Variants in ST8SIA5 observed in about 807,000 individuals in gnomAD.
The protein encoded by ST8SIA5 is alpha-2,8-sialyltransferase 8E.
ST8SIA5 carries 24 observed loss-of-function variants against 40.2 expected under a neutral mutation model. The ratio of observed to expected loss-of-function variants is 0.60; its 90% CI spans 0.43 to 0.84. The LOEUF (loss-of-function observed/expected upper bound fraction) is 0.84. ST8SIA5 is among the 40% of genes least tolerant of loss of function. The pLI is 0.00. For missense variants in ST8SIA5, 465 were observed against 498.5 expected, an observed-to-expected ratio of 0.93 and a Z score of 0.64; for synonymous variants, 198 against 201.8, an observed-to-expected ratio of 0.98 and a Z score of 0.16.
intron 2 of ST8SIA5, among the ~76,000 whole-genome samples, chr18:46,703,548 G>C (rs2039639263): frequency 6.6e-6 from 1 of 152,108 alleles, no homozygotes; most frequent in Non-Finnish European, 1.5e-5. Context: ...GTCAGCTTTA[G>C]ATCTCAGGTC....
chr18:46,670,303 T>C lies in ST8SIA5; in HGVS notation c.*9739A>G, dbSNP rs2039301335. On this transcript the variant is annotated 3_prime_UTR_variant, in exon 7 of 7. Coordinates refer to ENST00000315087, the MANE Select transcript of ST8SIA5 (RefSeq NM_013305.6). ...GTTGGAACGCTTTTTTACCTCTGCATGTCCTGGATGTCACAGGGTGAACTG... is the reference window on the plus strand; with the variant it reads ...GTTGGAACGCTTTTTTACCTCTGCACGTCCTGGATGTCACAGGGTGAACTG... 6.6e-6 allele frequency: 1 copy of C among 152,232 alleles called. No individual in the cohort carries two copies. Among genetic ancestry groups the C allele is most frequent in the Non-Finnish European group, 1.5e-5 (1 of 68,056 alleles). The allele number at this position is 152,232 out of a possible 1,614,324, so 9.4% of individuals were successfully genotyped here.
At chr18:46,685,483 T>C (rs993937143) in intron 5 of ST8SIA5, among the ~76,000 whole-genome samples, 1 of 152,168 alleles carries the variant, frequency 6.6e-6, no homozygotes, top group African/African-American at 2.4e-5. Flanking sequence ...AGACAGGGGC[T>C]GGGGTTGGAC....
At chr18:46,714,045 G>A (rs559414811) in intron 1 of ST8SIA5, among the ~76,000 whole-genome samples, 1 of 152,330 alleles carries the variant, frequency 6.6e-6, no homozygotes, top group East Asian at 1.9e-4. Context: ...GCAAGCCTAA[G>A]AGCCCCAGCT....
rs1599093040 is a variant in ST8SIA5 at position 46,678,027 on chromosome 18, A to T, written c.*2015T>A. ...GTTCAATTAACCATGCAGTGGCTAG[A>T]AATCTCAGGTAACTGGAATCTTTCC... On this transcript the variant is annotated 3_prime_UTR_variant, in exon 7 of 7. Coordinates refer to ENST00000315087, the MANE Select transcript of ST8SIA5 (RefSeq NM_013305.6). 6.6e-6 allele frequency: 1 copy of T among 152,256 alleles called. No homozygotes were observed. Among genetic ancestry groups the T allele is most frequent in the East Asian group, 1.9e-4 (1 of 5,204 alleles). The allele number at this position is 152,256 out of a possible 1,614,324, so 9.4% of individuals were successfully genotyped here. A position where few individuals can be genotyped will look rare whatever the true frequency, so the allele number is the denominator to read the frequency against.
At chr18:46,748,423 G>C (rs910516273) in intron 1 of ST8SIA5, among the ~76,000 whole-genome samples, 1 of 151,590 alleles carries the variant, frequency 6.6e-6, no homozygotes, top group Admixed American at 6.6e-5. Context: ...AATTAGCCAG[G>C]CATGATGGTA....
At chr18:46,732,116 T>C (rs1753383153) in intron 1 of ST8SIA5, among the ~76,000 whole-genome samples, 1 of 152,188 alleles carries the variant, frequency 6.6e-6, no homozygotes, top group Admixed American at 6.5e-5. Flanking sequence ...AGGTTGCCAA[T>C]GAATCCAAAC....
At chr18:46,692,783 C>A (rs2039519618) in intron 2 of ST8SIA5, among the ~76,000 whole-genome samples, 1 of 152,082 alleles carries the variant, frequency 6.6e-6, no homozygotes, top group Non-Finnish European at 1.5e-5. Flanking sequence ...AACTGTCCTG[C>A]AAGTGTGCCT....
intron 1 of ST8SIA5, chr18:46,721,395 G>C: frequency 6.5e-7 from 1 of 1,536,092 alleles, no homozygotes; most frequent in Non-Finnish European, 8.7e-7. Context: ...CTGCACTGCT[G>C]GATCATCCGT....
intron 2 of ST8SIA5, among the ~76,000 whole-genome samples, chr18:46,698,890 A>G (rs2039583233): frequency 6.6e-6 from 1 of 152,202 alleles, no homozygotes; most frequent in Non-Finnish European, 1.5e-5. Flanking sequence ...TAGAGGAAAC[A>G]AGGGGAAAAA....
In ST8SIA5 at chr18:46,744,613, A is replaced by G. The variant is rs561613522; in HGVS notation, c.131+11765T>C. Reference sequence around the variant, plus strand: ...AGACTTAGACTCCCACACAATAATAATGGGAGATTTTCACACCCCACTGTC... The same window carrying G: ...AGACTTAGACTCCCACACAATAATAGTGGGAGATTTTCACACCCCACTGTC... On this transcript the variant is annotated intron_variant, in intron 1 of 6. Coordinates refer to ENST00000315087, the MANE Select transcript of ST8SIA5 (RefSeq NM_013305.6). Among the ~76,000 whole-genome samples the G allele has an allele frequency of 6.9e-4, 105 of 152,294 alleles. 1 individual carries two copies. The highest frequency in any genetic ancestry group is 6.8e-3 in the Middle Eastern group (2 of 294).
intron 1 of ST8SIA5, among the ~76,000 whole-genome samples, chr18:46,722,512 A>G (rs1284786855): frequency 6.6e-6 from 1 of 152,240 alleles, no homozygotes; most frequent in Non-Finnish European, 1.5e-5. Context: ...TGGGTTTCTC[A>G]GGAGGGAAAC....
chr18:46,691,429 T>G (rs560517778), intron 3 of ST8SIA5: 1 of 152,376 alleles, frequency 6.6e-6, no homozygotes, highest in Non-Finnish European at 1.5e-5. Context: ...CATTTAAACT[T>G]GGACCTGAGT....
intron 1 of ST8SIA5, among the ~76,000 whole-genome samples, chr18:46,746,655 A>G (rs1490432367): frequency 6.6e-6 from 1 of 152,204 alleles, no homozygotes; most frequent in Non-Finnish European, 1.5e-5. Flanking sequence ...AAGGTAATTT[A>G]CAGATTCAAT....
chr18:46,716,089 TA>T (rs2039786669), intron 1 of ST8SIA5, among the ~76,000 whole-genome samples: 75 of 111,358 alleles, frequency 6.7e-4, no homozygotes, highest in African/African-American at 3.1e-3. Flanking sequence ...TCACACAGGA[TA>T]GATAGATAGA....
chr18:46,672,499 G>A lies in ST8SIA5; in HGVS notation c.*7543C>T, dbSNP rs2039314454. ...GATCATTTAGTTGAAGGAAATGAGA[G>A]ATTTGTTGCCATGGGAACCATCTTC... is the stretch of plus-strand genomic sequence containing the variant. On this transcript the variant is annotated 3_prime_UTR_variant, in exon 7 of 7. Coordinates refer to ENST00000315087, the MANE Select transcript of ST8SIA5 (RefSeq NM_013305.6). 6.6e-6 allele frequency: 1 copy of A among 152,148 alleles called. No individual in the cohort carries two copies. The highest frequency in any genetic ancestry group is 2.4e-5 in the African/African-American group (1 of 41,424). The allele number at this position is 152,148 out of a possible 1,614,324, so 9.4% of individuals were successfully genotyped here.
chr18:46,693,396 G>A (rs1053225388), intron 2 of ST8SIA5, among the ~76,000 whole-genome samples: 8 of 152,082 alleles, frequency 5.3e-5, no homozygotes, highest in African/African-American at 1.7e-4. Flanking sequence ...TGACAGAAAG[G>A]ATGAGATGAG....
At chr18:46,731,724 T>A (rs561213412) in intron 1 of ST8SIA5, 3 of 152,398 alleles carry the variant, frequency 2.0e-5, no homozygotes, top group African/African-American at 7.2e-5. Flanking sequence ...GCCCTGCTCA[T>A]CCTATGACCA....
chr18:46,715,539 C>T (rs2085462164), intron 1 of ST8SIA5, among the ~76,000 whole-genome samples: 2 of 149,208 alleles, frequency 1.3e-5, no homozygotes, highest in African/African-American at 4.9e-5. Flanking sequence ...ACAACAGTTG[C>T]ACAGAAGTGA....
intron 1 of ST8SIA5, among the ~76,000 whole-genome samples, chr18:46,717,336 G>A (rs903858785): frequency 1.3e-5 from 2 of 151,886 alleles, no homozygotes; most frequent in East Asian, 1.9e-4. Flanking sequence ...TCACTGCCCC[G>A]TCTCTACTTT....
Sources: gnomAD v4.1 joint callset for allele counts (sites outside exome capture counted in the v4.1 genomes callset) on GRCh38, gnomAD v4.1.1 for gene constraint, MANE v1.5 for transcripts, NCBI Gene and HGNC (gene_info 2026-07-23, HGNC 2026-07-21) for gene names.